The following LRP1B variants were observed in gnomAD, a reference collection of about 807,000 sequenced individuals.
LRP1B encodes low-density lipoprotein receptor-related protein 1B.
A neutral mutation model predicts 556.6 loss-of-function variants in LRP1B; 217 were observed. That is an observed-to-expected ratio of 0.39 (90% CI 0.35 to 0.44). The LOEUF (loss-of-function observed/expected upper bound fraction) is 0.44. Among genes scored for constraint, LRP1B ranks in the 20% least tolerant of loss-of-function variants. The probability of loss-of-function intolerance (pLI) is 1.00; values close to 1 mark genes in which losing one functional copy is unlikely to be tolerated. For missense variants in LRP1B, 5,053 were observed against 5,620.8 expected (o/e 0.90, Z 3.23); for synonymous variants, 2,047 against 1,865.8 (o/e 1.10, Z -2.50).
intron 2 of LRP1B, among the ~76,000 whole-genome samples, chr2:141,805,978 A>G (rs1696156398): frequency 3.3e-5 from 5 of 152,084 alleles, no homozygotes; most frequent in Admixed American, 3.3e-4. Context: ...AACTCACTCA[A>G]TGATTCTGTG....
rs368381379 is a variant in LRP1B, at chr2:141,386,363, C to T, written c.343+94033G>A. Reference sequence around the variant, plus strand: ...AAAGTGGCAGAATTAATTCCTTACTCATCAAAAATTACTTTAAATGAAATG... The same window carrying T: ...AAAGTGGCAGAATTAATTCCTTACTTATCAAAAATTACTTTAAATGAAATG... On this transcript the variant is annotated intron_variant, in intron 3 of 90. Coordinates refer to ENST00000389484, the MANE Select transcript of LRP1B (RefSeq NM_018557.3). Among the ~76,000 whole-genome samples the T allele has an allele frequency of 2.6e-5, 4 of 152,188 alleles. No homozygotes were observed. In the East Asian group the frequency reaches 7.7e-4, roughly 29 times the overall value.
chr2:141,580,684 T>TA (rs776446635), intron 2 of LRP1B, among the ~76,000 whole-genome samples: 3 of 152,218 alleles, frequency 2.0e-5, no homozygotes, highest in Non-Finnish European at 2.9e-5. Context: ...TTTCTTCTGT[T>TA]ACAGGTTTCC....
At chr2:141,311,096 T>C (rs1257137929) in intron 3 of LRP1B, among the ~76,000 whole-genome samples, 1 of 152,216 alleles carries the variant, frequency 6.6e-6, no homozygotes, top group Non-Finnish European at 1.5e-5. Context: ...ATAGGAATTC[T>C]TGGCTCTAAT....
At chr2:140,345,787 T>C (rs1444364435) in intron 77 of LRP1B, among the ~76,000 whole-genome samples, 4 of 115,664 alleles carry the variant, frequency 3.5e-5, no homozygotes, top group African/African-American at 1.0e-4. Flanking sequence ...TACATATATA[T>C]ACACATATAT....
rs951566937 is a variant in LRP1B, at chr2:140,410,349, A to AT, written c.10415-24341dup. On this transcript the variant is annotated intron_variant, in intron 66 of 90. Transcript: ENST00000389484. ...TGGCTGCATAGTCAACAAAGTATTGATTTTTTTTTTTAGGATTCTGCTTAC... is the reference window on the plus strand; with the variant it reads ...TGGCTGCATAGTCAACAAAGTATTGATTTTTTTTTTTTAGGATTCTGCTTAC... Among the ~76,000 whole-genome samples, 514 of 147,158 alleles carry AT rather than the reference A, an allele frequency of 3.5e-3. 2 individuals are homozygous for AT. Among genetic ancestry groups the AT allele is most frequent in the African/African-American group, 0.011 (448 of 40,382 alleles).
intron 1 of LRP1B, among the ~76,000 whole-genome samples, chr2:141,942,204 G>T (rs1044769798): frequency 2.0e-5 from 3 of 151,908 alleles, no homozygotes; most frequent in Non-Finnish European, 4.4e-5. Flanking sequence ...CTCACTCTCC[G>T]CCCTCGCCCC....
intron 2 of LRP1B, among the ~76,000 whole-genome samples, chr2:141,589,848 A>T (rs1055625423): frequency 6.6e-5 from 10 of 152,180 alleles, no homozygotes; most frequent in African/African-American, 2.4e-4. Flanking sequence ...AAATTAAGTT[A>T]TGTCTGGAAG....
chr2:140,543,929 C>T (rs7557403), intron 43 of LRP1B, among the ~76,000 whole-genome samples: 16,803 of 151,788 alleles, frequency 0.11, 1,057 homozygotes, highest in Middle Eastern at 0.25. Flanking sequence ...TTACAATAGC[C>T]TCTACAAATA....
intron 2 of LRP1B, among the ~76,000 whole-genome samples, chr2:141,487,905 C>T (rs1434290812): frequency 6.6e-6 from 1 of 152,140 alleles, no homozygotes; most frequent in Admixed American, 6.6e-5. Context: ...AGTACTTAAC[C>T]TCACCAAGAC....
intron 1 of LRP1B, among the ~76,000 whole-genome samples, chr2:142,076,616 T>A (rs1019786348): frequency 9.9e-5 from 15 of 152,086 alleles, no homozygotes; most frequent in African/African-American, 3.6e-4. Flanking sequence ...GAAAACTGTA[T>A]AAAACTAGTT....
chr2:141,105,530 C>T (rs989157291), intron 7 of LRP1B, among the ~76,000 whole-genome samples: 12 of 151,964 alleles, frequency 7.9e-5, no homozygotes, highest in Non-Finnish European at 1.3e-4. Flanking sequence ...TGTTATAAGA[C>T]GGAGAAAGCT....
chr2:141,549,546 A>G (rs1297718948), intron 2 of LRP1B, among the ~76,000 whole-genome samples: 1 of 152,148 alleles, frequency 6.6e-6, no homozygotes, highest in Non-Finnish European at 1.5e-5. Flanking sequence ...TAGCAAGAGA[A>G]TCTTTTGTCG....
chr2:141,032,022 C>T (rs911458726), intron 11 of LRP1B, among the ~76,000 whole-genome samples: 1 of 151,822 alleles, frequency 6.6e-6, no homozygotes, highest in African/African-American at 2.4e-5. Context: ...TCATGTTGTA[C>T]AAATTTTAAA....
rs755355874 is a variant in LRP1B, at chr2:141,408,407, G to A, written c.343+71989C>T. ...GATCTGACCGCCTCGGCCTCCCAAA[G>A]TGCTGGGATTACAGGCGTGAGCCAC... is the stretch of plus-strand genomic sequence containing the variant. On this transcript the variant is annotated intron_variant, in intron 3 of 90. Coordinates refer to ENST00000389484, the MANE Select transcript of LRP1B (RefSeq NM_018557.3). Among the ~76,000 whole-genome samples, 55 of 152,004 alleles carry A rather than the reference G, an allele frequency of 3.6e-4. 1 individual carries two copies. The highest frequency in any genetic ancestry group is 6.3e-4 in the Non-Finnish European group (43 of 68,006).
chr2:141,959,252 T>C (rs56742213), intron 1 of LRP1B, among the ~76,000 whole-genome samples: 5,594 of 152,062 alleles, frequency 0.037, 323 homozygotes, highest in African/African-American at 0.13. Context: ...TTAAGAATGC[T>C]ACTCAGAAAG....
intron 27 of LRP1B, among the ~76,000 whole-genome samples, chr2:140,866,151 C>T (rs1692944256): frequency 6.6e-6 from 1 of 152,064 alleles, no homozygotes; most frequent in South Asian, 2.1e-4. Flanking sequence ...AAATGCCAAA[C>T]AATCTGAGGG....
chr2:140,710,877 A>G (rs1384867866), intron 37 of LRP1B, among the ~76,000 whole-genome samples: 1 of 152,060 alleles, frequency 6.6e-6, no homozygotes, highest in Non-Finnish European at 1.5e-5. Context: ...ATGATGAGAC[A>G]ATGGATATAG....
At chr2:141,278,526 T>C (rs1446938261) in intron 3 of LRP1B, among the ~76,000 whole-genome samples, 1 of 152,138 alleles carries the variant, frequency 6.6e-6, no homozygotes, top group Non-Finnish European at 1.5e-5. Flanking sequence ...GCTGACTAAG[T>C]AAAGCAGAGT....
chr2:140,995,686 G>A (rs1443874173), intron 15 of LRP1B, among the ~76,000 whole-genome samples: 1 of 151,942 alleles, frequency 6.6e-6, no homozygotes, highest in Non-Finnish European at 1.5e-5. Context: ...TCACTTTGCT[G>A]TTCTGCAAAT....
Sources: allele counts gnomAD v4.1 joint callset (sites outside exome capture counted in the v4.1 genomes callset), GRCh38; gene constraint gnomAD v4.1.1; transcripts MANE v1.5; gene names NCBI Gene and HGNC (gene_info 2026-07-23, HGNC 2026-07-21).